The following ERC1 variants were observed in gnomAD, a reference collection of about 807,000 sequenced individuals.
ERC1 encodes ELKS/RAB6-interacting/CAST family member 1.
In ERC1, 56 loss-of-function variants were observed where a neutral mutation model predicts 132.0. The ratio of observed to expected loss-of-function variants is 0.42; its 90% CI spans 0.34 to 0.53. ERC1 has a LOEUF of 0.53. Ranked by LOEUF, ERC1 falls within the 20% of genes least tolerant of loss-of-function variation. The pLI, the probability that ERC1 is intolerant of heterozygous loss-of-function variation, is 0.03. For missense variants in ERC1, 1,202 were observed against 1,349.9 expected (o/e 0.89, Z 1.72); for synonymous variants, 478 against 476.1 (o/e 1.00, Z -0.05).
Position 1,440,600 on chromosome 12 carries a change from T to TTGTGTGTGTGTG in ERC1, c.3025-3905_3025-3894dup, listed in dbSNP as rs56749397. ...TAAGCAATCCCCCTGCCTCAGCCTT[T>TTGTGTGTGTGTG]TGTGTGTGTGTGTGTGTGTGTGTGT... On this transcript the variant is annotated intron_variant, in intron 17 of 18. Transcript: ENST00000360905. Among the ~76,000 whole-genome samples the TTGTGTGTGTGTG allele has an allele frequency of 1.0e-3, 53 of 51,156 alleles. 4 individuals carry two copies. Among genetic ancestry groups the TTGTGTGTGTGTG allele is most frequent in the Admixed American group, 6.5e-3 (27 of 4,124 alleles). 33.6% of individuals were successfully genotyped at this position (51,156 alleles called of 152,430 possible). A position where few individuals can be genotyped will look rare whatever the true frequency, so the allele number is the denominator to read the frequency against.
intron 15 of ERC1, among the ~76,000 whole-genome samples, chr12:1,290,650 G>A (rs745325740): frequency 6.6e-6 from 1 of 152,084 alleles, no homozygotes; most frequent in African/African-American, 2.4e-5. Context: ...ACAAACATGT[G>A]TCTTTTGAAA....
intron 2 of ERC1, among the ~76,000 whole-genome samples, chr12:1,047,367 A>G (rs1971241723): frequency 6.6e-6 from 1 of 152,166 alleles, no homozygotes; most frequent in South Asian, 2.1e-4. Context: ...TGGCTTTTTT[A>G]ATGTCTATAT....
At chr12:1,163,944 G>A (rs1952113963) in intron 8 of ERC1, among the ~76,000 whole-genome samples, 1 of 152,154 alleles carries the variant, frequency 6.6e-6, no homozygotes. Flanking sequence ...TCAAACTCCT[G>A]GCTTCAAGTG....
At chr12:1,485,476 T>C (rs1410733082) in intron 18 of ERC1, among the ~76,000 whole-genome samples, 3 of 152,190 alleles carry the variant, frequency 2.0e-5, no homozygotes, top group Admixed American at 1.3e-4. Flanking sequence ...GTGCTGGGAT[T>C]ACAGGCGTGA....
rs2094341344 is a variant in ERC1, at chr12:1,493,998, C to G, written c.*3768C>G. On this transcript the variant is annotated 3_prime_UTR_variant, in exon 19 of 19. Transcript: ENST00000360905. ...TGGATTTGCTGCCAGAGTCCTGTTC[C>G]TCCCAGAACCATCCCGCCCTCCTGT... The G allele has an allele frequency of 4.3e-6, 1 of 232,286 alleles. No homozygotes were observed. The highest frequency in any genetic ancestry group is 8.5e-6 in the Non-Finnish European group (1 of 117,514). The allele number at this position is 232,286 out of a possible 1,614,324, so 14.4% of individuals were successfully genotyped here. A position where few individuals can be genotyped will look rare whatever the true frequency, so the allele number is the denominator to read the frequency against.
rs2094303157 is a variant in ERC1, at chr12:1,490,080, C to A, written c.3214-13C>A. On this transcript the variant is annotated splice_polypyrimidine_tract_variant and intron_variant, in intron 18 of 18. Coordinates refer to ENST00000360905, the MANE Select transcript of ERC1 (RefSeq NM_178040.4). ...TTGTTGTATCTGAAATCCATCTCTC[C>A]TTTCCCTTTCAGCTTCAGGATGAGT... The A allele has an allele frequency of 1.2e-6, 2 of 1,612,860 alleles. No homozygotes were observed. Among genetic ancestry groups the A allele is most frequent in the East Asian group, 4.5e-5 (2 of 44,818 alleles).
intron 11 of ERC1, among the ~76,000 whole-genome samples, chr12:1,185,077 A>C (rs1954926151): frequency 6.6e-6 from 1 of 152,046 alleles, no homozygotes; most frequent in African/African-American, 2.4e-5. Context: ...TGCCCGGCTA[A>C]TTTTTGTATT....
intron 18 of ERC1, among the ~76,000 whole-genome samples, chr12:1,456,255 G>C (rs1164096857): frequency 6.6e-6 from 1 of 152,174 alleles, no homozygotes; most frequent in African/African-American, 2.4e-5. Flanking sequence ...TACACCAACT[G>C]GCCAAAGTCA....
At chr12:1,474,966 C>T (rs2093941169) in intron 18 of ERC1, among the ~76,000 whole-genome samples, 1 of 152,186 alleles carries the variant, frequency 6.6e-6, no homozygotes, top group Non-Finnish European at 1.5e-5. Flanking sequence ...ATTTGTGATT[C>T]TTGGCTCAAG....
chr12:1,230,007 T>C (rs1419410557), intron 12 of ERC1, among the ~76,000 whole-genome samples: 1 of 99,882 alleles, frequency 1.0e-5, no homozygotes, highest in Non-Finnish European at 2.4e-5. Context: ...TTTGACTCTT[T>C]TTTTTTTTTT....
intron 12 of ERC1, among the ~76,000 whole-genome samples, chr12:1,233,692 A>G (rs560427592): frequency 6.6e-6 from 1 of 152,288 alleles, no homozygotes; most frequent in Admixed American, 6.5e-5. Context: ...AGAAGCAAAC[A>G]TACAATCCAG....
rs370686826 is a variant in ERC1, at chr12:1,280,534, A to T, written c.2620-9318A>T. On this transcript the variant is annotated intron_variant, in intron 14 of 18. Coordinates refer to ENST00000360905, the MANE Select transcript of ERC1 (RefSeq NM_178040.4). ...TTCTGTGTACTAACAGTGATTTGGCATAAGTTTTGTAATCTCTCCAAGTAT... is the reference window on the plus strand; with the variant it reads ...TTCTGTGTACTAACAGTGATTTGGCTTAAGTTTTGTAATCTCTCCAAGTAT... Among the ~76,000 whole-genome samples, 10 of 152,326 alleles carry T rather than the reference A, an allele frequency of 6.6e-5. No individual in the cohort carries two copies. The East Asian group carries it at 1.7e-3, about 26-fold the overall frequency.
chr12:1,491,732 G>C lies in ERC1; in HGVS notation c.*1502G>C. The stretch of plus-strand genomic sequence containing the variant: ...TCCTGACATCTGCATGTACCTCGTG[G>C]AATTCAGCCAGCTTCATGTTGCAAA... On this transcript the variant is annotated 3_prime_UTR_variant, in exon 19 of 19. Transcript: ENST00000360905. 4.3e-6 allele frequency: 1 copy of C among 231,252 alleles called. No individual in the cohort carries two copies. Among genetic ancestry groups the C allele is most frequent in the Non-Finnish European group, 8.6e-6 (1 of 116,856 alleles). 14.3% of individuals were successfully genotyped at this position (231,252 alleles called of 1,614,324 possible). A position where few individuals can be genotyped will look rare whatever the true frequency, so the allele number is the denominator to read the frequency against.
At chr12:1,022,482 G>T (rs923344090) in intron 1 of ERC1, among the ~76,000 whole-genome samples, 1 of 152,028 alleles carries the variant, frequency 6.6e-6, no homozygotes, top group African/African-American at 2.4e-5. Context: ...ACCTACTATT[G>T]GGTCATAATT....
intron 15 of ERC1, among the ~76,000 whole-genome samples, chr12:1,309,829 CTG>C (rs2081159753): frequency 1.3e-5 from 2 of 151,696 alleles, no homozygotes; most frequent in South Asian, 4.2e-4. Context: ...CATTTCCTGT[CTG>C]TGTGACTGTA....
chr12:1,115,810 A>G, intron 6 of ERC1, 56 bp from the exon 7 acceptor site: 1 of 1,441,780 alleles, frequency 6.9e-7, no homozygotes, highest in Non-Finnish European at 9.6e-7. Flanking sequence ...AAAGATACAG[A>G]TAAGAGGTGT....
chr12:1,476,844 C>T (rs769504704), intron 18 of ERC1, among the ~76,000 whole-genome samples: 2 of 151,926 alleles, frequency 1.3e-5, no homozygotes, highest in Admixed American at 6.6e-5. Context: ...GTAATGAAAA[C>T]GAGAACAAAC....
intron 18 of ERC1, among the ~76,000 whole-genome samples, chr12:1,468,026 CAG>C (rs916883173): frequency 1.3e-5 from 2 of 152,186 alleles, no homozygotes; most frequent in Non-Finnish European, 2.9e-5. Flanking sequence ...CAGTTCCTAA[CAG>C]GGCCTGGACC....
intron 15 of ERC1, among the ~76,000 whole-genome samples, chr12:1,303,646 AAAAT>A (rs1017477515): frequency 3.3e-5 from 5 of 151,366 alleles, no homozygotes; most frequent in East Asian, 3.9e-4. Flanking sequence ...CTCAAAAAAA[AAAAT>A]AAATAAATAA....
Sources: allele counts gnomAD v4.1 joint callset (sites outside exome capture counted in the v4.1 genomes callset), GRCh38; gene constraint gnomAD v4.1.1; transcripts MANE v1.5; gene names NCBI Gene and HGNC (gene_info 2026-07-23, HGNC 2026-07-21).